The following RBFOX1 variants were observed in gnomAD, a reference collection of about 807,000 sequenced individuals.
RBFOX1 encodes the protein RNA binding fox-1 homolog 1.
In RBFOX1, 8 loss-of-function variants were observed where a neutral mutation model predicts 57.7. The ratio of observed to expected loss-of-function variants is 0.14; its 90% CI spans 0.08 to 0.25. RBFOX1 has a LOEUF of 0.25. Ranked by LOEUF, RBFOX1 falls within the 10% of genes least tolerant of loss-of-function variation. The pLI is 1.00. For missense variants in RBFOX1, 611 were observed against 548.5 expected, an observed-to-expected ratio of 1.11 and a Z score of -1.14; for synonymous variants, 326 against 222.4, an observed-to-expected ratio of 1.47 and a Z score of -4.15.
chr16:5,809,473 A>C (rs889679630), intron 3 of RBFOX1, among the ~76,000 whole-genome samples: 1 of 152,210 alleles, frequency 6.6e-6, no homozygotes, highest in African/African-American at 2.4e-5. Flanking sequence ...AAACAAATTT[A>C]CAAGAAAAAA....
chr16:5,834,148 G>A (rs1380620948), intron 3 of RBFOX1, among the ~76,000 whole-genome samples: 1 of 152,148 alleles, frequency 6.6e-6, no homozygotes, highest in East Asian at 1.9e-4. Context: ...TGGCTTCAGT[G>A]GTACACGTGG....
At chr16:6,354,738 C>G (rs1173697586) in intron 2 of RBFOX1, among the ~76,000 whole-genome samples, 1 of 152,172 alleles carries the variant, frequency 6.6e-6, no homozygotes, top group Non-Finnish European at 1.5e-5. Context: ...TCTCACTAAT[C>G]TCTGAAACCA....
At chr16:5,471,580 A>T (rs1274261433) in intron 2 of RBFOX1, among the ~76,000 whole-genome samples, 2 of 151,686 alleles carry the variant, frequency 1.3e-5, no homozygotes, top group African/African-American at 4.8e-5. Context: ...CCCCCGGAGA[A>T]CCCTCTGTCT....
chr16:7,689,517 T>C (rs761894790), intron 14 of RBFOX1, among the ~76,000 whole-genome samples: 3 of 152,062 alleles, frequency 2.0e-5, no homozygotes, highest in Non-Finnish European at 2.9e-5. Context: ...ATTAAGTGTA[T>C]AGATTACCAG....
At chr16:5,463,258 CACCTT>C (rs2068846786) in intron 1 of RBFOX1, among the ~76,000 whole-genome samples, 2 of 152,030 alleles carry the variant, frequency 1.3e-5, no homozygotes, top group Admixed American at 6.6e-5. Context: ...ATCCAACTGA[CACCTT>C]ACTTTTCTGG....
chr16:6,583,339 G>A (rs1194332074), intron 2 of RBFOX1, among the ~76,000 whole-genome samples: 1 of 152,158 alleles, frequency 6.6e-6, no homozygotes, highest in Non-Finnish European at 1.5e-5. Flanking sequence ...AAATGGGTGG[G>A]TTGCGTGCAG....
chr16:6,418,668 G>A (rs770734991), intron 2 of RBFOX1, among the ~76,000 whole-genome samples: 1 of 151,778 alleles, frequency 6.6e-6, no homozygotes, highest in Non-Finnish European at 1.5e-5. Flanking sequence ...GGCTACAGGT[G>A]CATGCCACCA....
chr16:5,647,220 G>A (rs575472113), intron 3 of RBFOX1, among the ~76,000 whole-genome samples: 1 of 152,298 alleles, frequency 6.6e-6, no homozygotes, highest in East Asian at 1.9e-4. Flanking sequence ...GGTTTATGAA[G>A]CAAAACAGTG....
At chr16:6,521,267 GGTGCAT>G (rs979035097) in intron 2 of RBFOX1, among the ~76,000 whole-genome samples, 2 of 152,044 alleles carry the variant, frequency 1.3e-5, no homozygotes, top group African/African-American at 4.8e-5. Flanking sequence ...TCAAGGAAAA[GGTGCAT>G]GCACGTTTTT....
intron 14 of RBFOX1, among the ~76,000 whole-genome samples, chr16:7,701,122 C>T (rs966952976): frequency 6.7e-5 from 10 of 150,252 alleles, no homozygotes; most frequent in Non-Finnish European, 1.3e-4. Context: ...AAGTTAAGCG[C>T]TTTAAAGACA....
Position 5,512,883 on chromosome 16 carries a change from C to A in RBFOX1, c.258+45629C>A, listed in dbSNP as rs115015341. ...ACAACATTACATTGAGTTGACATGT[C>A]TTTTAAGGTCCTCTGGACTGTGATG... On this transcript the variant is annotated intron_variant, in intron 2 of 2. Coordinates refer to the RBFOX1 transcript ENST00000585867. 6.9e-3 allele frequency among the ~76,000 whole-genome samples: 1,044 copies of A among 152,266 alleles called. 16 individuals are homozygous for A. The highest frequency in any genetic ancestry group is 0.024 in the African/African-American group (988 of 41,550).
chr16:7,577,527 G>C (rs1300966241), intron 5 of RBFOX1, among the ~76,000 whole-genome samples: 2 of 152,204 alleles, frequency 1.3e-5, no homozygotes, highest in Non-Finnish European at 2.9e-5. Context: ...GAATTGGCAA[G>C]CCTGGCTGAA....
intron 1 of RBFOX1, among the ~76,000 whole-genome samples, chr16:5,447,186 C>G (rs537732599): frequency 5.0e-4 from 76 of 152,250 alleles, no homozygotes; most frequent in Admixed American, 4.7e-3. Context: ...ATAACCTTCC[C>G]CTCAAAGGAG....
At chr16:7,306,504 C>T (rs2096190164) in intron 4 of RBFOX1, among the ~76,000 whole-genome samples, 1 of 152,086 alleles carries the variant, frequency 6.6e-6, no homozygotes, top group Non-Finnish European at 1.5e-5. Flanking sequence ...ATCTCCCCCT[C>T]CCCTGAAAGG....
chr16:7,699,803 T>C (rs1257274999), intron 14 of RBFOX1, among the ~76,000 whole-genome samples: 1 of 152,160 alleles, frequency 6.6e-6, no homozygotes, highest in Non-Finnish European at 1.5e-5. Flanking sequence ...GTGTGGCTTT[T>C]ATTATGTTTC....
intron 2 of RBFOX1, among the ~76,000 whole-genome samples, chr16:6,557,049 A>G: frequency 8.2e-6 from 1 of 122,514 alleles, no homozygotes; most frequent in South Asian, 2.2e-4. Context: ...ATATATACAT[A>G]TATATACATA....
At chr16:5,865,738 T>G (rs550150996) in intron 3 of RBFOX1, among the ~76,000 whole-genome samples, 3 of 152,182 alleles carry the variant, frequency 2.0e-5, no homozygotes, top group African/African-American at 7.2e-5. Context: ...TAAAACACCA[T>G]GGACTGCAGC....
intron 1 of RBFOX1, among the ~76,000 whole-genome samples, chr16:5,276,065 C>A (rs1256796010): frequency 6.6e-6 from 1 of 152,168 alleles, no homozygotes; most frequent in Admixed American, 6.5e-5. Flanking sequence ...AATCTAAGGT[C>A]TGAAACCATA....
intron 1 of RBFOX1, among the ~76,000 whole-genome samples, chr16:5,430,459 G>C (rs1567499376): frequency 6.6e-6 from 1 of 152,240 alleles, no homozygotes; most frequent in Non-Finnish European, 1.5e-5. Flanking sequence ...AGAGAGCTGG[G>C]GCTGGAGCTG....
Sources: allele counts gnomAD v4.1 joint callset (sites outside exome capture counted in the v4.1 genomes callset), GRCh38; gene constraint gnomAD v4.1.1; transcripts MANE v1.5; gene names NCBI Gene and HGNC (gene_info 2026-07-23, HGNC 2026-07-21).